ADGRG3: variants seen among roughly 807,000 people sequenced by gnomAD.
The protein encoded by ADGRG3 is adhesion G protein-coupled receptor G3.
In ADGRG3, 39 loss-of-function variants were observed where a neutral mutation model predicts 54.3. The ratio of observed to expected loss-of-function variants is 0.72; its 90% confidence interval spans 0.56 to 0.94. The LOEUF (loss-of-function observed/expected upper bound fraction) is 0.94, where lower values mean the gene tolerates loss of function less well. Among genes scored for constraint, ADGRG3 ranks in the 40% least tolerant of loss-of-function variants. ADGRG3 has a pLI of 0.00. For synonymous variants in ADGRG3, 312 were observed against 290.0 expected, an observed-to-expected ratio of 1.08 and a Z score of -0.77; for missense variants, 654 against 694.6, an observed-to-expected ratio of 0.94 and a Z score of 0.66.
rs1390361486 is a variant in ADGRG3 at position 57,685,793 on chromosome 16, G to C, written c.1407G>C (p.Arg469=). The C allele has an allele frequency of 6.2e-7, 1 of 1,614,098 alleles. No individual in the cohort carries two copies. Among genetic ancestry groups the C allele is most frequent in the Non-Finnish European group, 8.5e-7 (1 of 1,180,056 alleles). Residue 469 remains arginine (R), a synonymous_variant, in exon 11 of 12, where the codon CGG becomes CGC. Transcript: ENST00000333493. ...CCCGTGCTACAGCGGTCAAGGAGCGGGGGAAGAACCGGAAGAAGGTGCTCA... is the reference window on the plus strand; with the variant it reads ...CCCGTGCTACAGCGGTCAAGGAGCGCGGGAAGAACCGGAAGAAGGTGCTCA... The part of the protein sequence containing the change: ...TLSRATAVKE[R]GKNRKKVLTL...
intron 1 of ADGRG3, among the ~76,000 whole-genome samples, chr16:57,671,439 G>A (rs1437519148): frequency 6.9e-6 from 1 of 145,332 alleles, no homozygotes; most frequent in Non-Finnish European, 1.5e-5. Context: ...CTCCCGGGTT[G>A]AAGCAATTCT....
intron 4 of ADGRG3, chr16:57,678,933 A>C (rs1036089401): frequency 1.8e-6 from 1 of 558,764 alleles, no homozygotes; most frequent in East Asian, 3.0e-5. Context: ...TCTGGAGGCC[A>C]GCAATGGAGA....
intron 3 of ADGRG3, among the ~76,000 whole-genome samples, chr16:57,677,657 GTGT>G (rs554436438): frequency 2.0e-5 from 3 of 152,172 alleles, no homozygotes; most frequent in Non-Finnish European, 4.4e-5. Flanking sequence ...TTTTGAAAAT[GTGT>G]TGTTGTTGTT....
rs185290256 is a variant in ADGRG3, at chr16:57,683,544, T to C, written c.882-388T>C. Among the ~76,000 whole-genome samples, 293 of 152,318 alleles carry C rather than the reference T, an allele frequency of 1.9e-3. 1 individual carries two copies. The highest frequency in any genetic ancestry group is 4.1e-3 in the African/African-American group (169 of 41,570). On this transcript the variant is annotated intron_variant, in intron 8 of 11. Coordinates refer to ENST00000333493, the MANE Select transcript of ADGRG3 (RefSeq NM_170776.5). ...GCCTGCTGAACCTCTGCTTTTCATCTCACTTCTTGCTCACCCGTCCCATTC... is the reference window on the plus strand; with the variant it reads ...GCCTGCTGAACCTCTGCTTTTCATCCCACTTCTTGCTCACCCGTCCCATTC...
rs2048263559 is a variant in ADGRG3 at position 57,676,337 on chromosome 16, AG to A, written c.345+1del. On this transcript the variant is annotated frameshift_variant and splice_region_variant, in exon 3 of 12. Transcript: ENST00000333493. LOFTEE classifies it high-confidence loss of function. ...EDFYFSLEPS[Q>X]VPRQVMKDED... Reference sequence around the variant, plus strand: ...TTCTATTTCTCTCTGGAGCCCTCTCAGGTGAAGAGCTCCCCAGCCCTCTTGG... The same window carrying A: ...TTCTATTTCTCTCTGGAGCCCTCTCAGTGAAGAGCTCCCCAGCCCTCTTGG... The A allele has an allele frequency of 5.0e-6, 8 of 1,613,820 alleles. No homozygotes were observed. Among genetic ancestry groups the A allele is most frequent in the Non-Finnish European group, 6.8e-6 (8 of 1,179,812 alleles).
intron 2 of ADGRG3, among the ~76,000 whole-genome samples, chr16:57,675,311 T>G (rs2048242663): frequency 1.3e-5 from 2 of 151,832 alleles, no homozygotes; most frequent in South Asian, 4.2e-4. Flanking sequence ...AGACACCGAC[T>G]CTACAAAAAA....
chr16:57,685,771 G>T lies in ADGRG3; in HGVS notation c.1385G>T (p.Arg462Leu). 1 of 1,614,172 alleles carries T rather than the reference G, an allele frequency of 6.2e-7. No individual in the cohort carries two copies. Among genetic ancestry groups the T allele is most frequent in the Non-Finnish European group, 8.5e-7 (1 of 1,180,036 alleles). ...LVVWKIFTLS[R>L]ATAVKERGKN... Reference sequence around the variant, plus strand: ...GTCTGGAAGATCTTCACCCTGTCCCGTGCTACAGCGGTCAAGGAGCGGGGG... The same window carrying T: ...GTCTGGAAGATCTTCACCCTGTCCCTTGCTACAGCGGTCAAGGAGCGGGGG... The change falls in exon 11 of 12, where the codon CGT becomes CTT. Residue 462 changes from arginine (R) to leucine (L), a missense_variant. Coordinates refer to ENST00000333493, the MANE Select transcript of ADGRG3 (RefSeq NM_170776.5).
chr16:57,684,689 G>T (rs904023326), intron 10 of ADGRG3, among the ~76,000 whole-genome samples: 1 of 152,138 alleles, frequency 6.6e-6, no homozygotes, highest in South Asian at 2.1e-4. Flanking sequence ...ATGAGAGAGG[G>T]GGCCTGAGAA....
chr16:57,669,756 C>T (rs2048119360), intron 1 of ADGRG3, among the ~76,000 whole-genome samples: 1 of 152,228 alleles, frequency 6.6e-6, no homozygotes. Context: ...CCTGCTGGTA[C>T]CACTTGGCCC....
intron 3 of ADGRG3, among the ~76,000 whole-genome samples, chr16:57,677,275 C>G (rs187559869): frequency 7.9e-4 from 120 of 152,244 alleles, no homozygotes; most frequent in Middle Eastern, 3.4e-3. Context: ...ACAGGGAGCT[C>G]AGAGAATGAA....
upstream of ADGRG3, among the ~76,000 whole-genome samples, chr16:57,667,234 C>T (rs1230474095): frequency 1.3e-5 from 2 of 152,212 alleles, no homozygotes; most frequent in Admixed American, 6.5e-5. Flanking sequence ...CTGAGCGGCT[C>T]CCCAGTTCAA....
intron 8 of ADGRG3, 21 bp from the exon 9 acceptor site, chr16:57,683,911 G>T: frequency 6.6e-7 from 1 of 1,523,566 alleles, no homozygotes; most frequent in East Asian, 2.3e-5. Flanking sequence ...GCCCCTTGGG[G>T]CCTCTTATTT....
chr16:57,688,825 C>T lies in ADGRG3; in HGVS notation c.*364C>T, dbSNP rs1234562476. On this transcript the variant is annotated 3_prime_UTR_variant, in exon 12 of 12. Transcript: ENST00000333493. ...TAGCCCTGGAAGGAGCCCCCAGCCT[C>T]TCCCCTCCTCCTCCTTGTCACTGGC... 1 of 177,314 alleles carries T rather than the reference C, an allele frequency of 5.6e-6. No individual in the cohort carries two copies. The highest frequency in any genetic ancestry group is 1.4e-4 in the East Asian group (1 of 6,944). 11.0% of individuals were successfully genotyped at this position (177,314 alleles called of 1,614,324 possible). A position where few individuals can be genotyped will look rare whatever the true frequency, so the allele number is the denominator to read the frequency against.
At chr16:57,682,343 G>C in intron 8 of ADGRG3, 1 of 300,768 alleles carries the variant, frequency 3.3e-6, no homozygotes, top group Non-Finnish European at 4.9e-6. Context: ...TCCTGCCCCC[G>C]CATCCAGGGC....
intron 10 of ADGRG3, 129 bp from the exon 11 acceptor site, chr16:57,685,514 G>C: frequency 3.5e-6 from 3 of 862,680 alleles, no homozygotes; most frequent in Non-Finnish European, 5.5e-6. Context: ...CACAGCGGGA[G>C]AGCCAGGGAT....
At chr16:57,684,242 C>T (rs771588030) in intron 9 of ADGRG3, 30 bp downstream of exon 9, 63 of 1,599,582 alleles carry the variant, frequency 3.9e-5, no homozygotes, top group Middle Eastern at 1.7e-4. Context: ...ACAGAATAAA[C>T]GGCCGGCCCT....
At chr16:57,671,764 C>A (rs2048165060) in intron 1 of ADGRG3, among the ~76,000 whole-genome samples, 1 of 152,132 alleles carries the variant, frequency 6.6e-6, no homozygotes, top group South Asian at 2.1e-4. Context: ...TTGTGAAAAA[C>A]AATGTCCACC....
In ADGRG3 at chr16:57,668,396, C is replaced by T; in HGVS notation, c.49C>T (p.Pro17Ser). The T allele has an allele frequency of 6.4e-7, 1 of 1,573,180 alleles. No individual in the cohort carries two copies. The highest frequency in any genetic ancestry group is 1.3e-5 in the African/African-American group (1 of 74,862). Residue 17 changes from proline (P) to serine (S), a missense_variant, in exon 1 of 12, where the codon CCG (proline) becomes TCG (serine). Pro to Ser is a moderately conservative substitution (Grantham distance 74). Coordinates refer to ENST00000333493, the MANE Select transcript of ADGRG3 (RefSeq NM_170776.5). ...GGCCCTGCTCCTGCTCCTCCTGCTC[C>T]CGACCTCAGGTGAGTGGCTGGCACC... ...LGALLLLLLL[P>S]TSGQEKPTEG...
chr16:57,681,383 T>TGTGTGC (rs1283006100), intron 8 of ADGRG3, among the ~76,000 whole-genome samples: 64 of 88,210 alleles, frequency 7.3e-4, no homozygotes, highest in African/African-American at 3.4e-3. Flanking sequence ...TGTGCGCGCG[T>TGTGTGC]GCGTGCGCGC....
Sources: gnomAD v4.1 joint callset for allele counts (sites outside exome capture counted in the v4.1 genomes callset) on GRCh38, gnomAD v4.1.1 for gene constraint, MANE v1.5 for transcripts, NCBI Gene and HGNC (gene_info 2026-07-23, HGNC 2026-07-21) for gene names.